PEG3: variants seen among roughly 807,000 people sequenced by gnomAD.
The protein encoded by PEG3 is paternally-expressed gene 3 protein.
Under a neutral mutation model 35.5 loss-of-function variants are expected in PEG3, and 23 were observed. That is an observed-to-expected ratio of 0.65 (90% CI 0.47 to 0.92). PEG3 has a LOEUF of 0.92. PEG3 is among the 40% of genes least tolerant of loss of function. PEG3 has a pLI of 0.00. For missense variants in PEG3, 1,960 were observed against 1,985.3 expected, an observed-to-expected ratio of 0.99 and a Z score of 0.24; for synonymous variants, 707 against 697.0, an observed-to-expected ratio of 1.01 and a Z score of -0.23.
chr19:56,821,086 G>C (rs527757184), intron 7 of PEG3, among the ~76,000 whole-genome samples: 5 of 152,158 alleles, frequency 3.3e-5, no homozygotes, highest in African/African-American at 1.2e-4. Flanking sequence ...AACATTTAAC[G>C]GTGTGCCTAC....
rs540348774 is a variant in PEG3 at position 56,816,202 on chromosome 19, T to C, written c.2240A>G (p.Glu747Gly). ...GTTAGAGCTAATGGTGAACGCCTTT[T>C]CGTCCTCATCACTTTCAAGAGGTCT... ...ITRPLESDED[E>G]KAFTISSNPY... The change falls in exon 10 of 10, where the codon GAA (glutamate) becomes GGA (glycine). Residue 747 changes from glutamate to glycine, a missense_variant. Coordinates refer to ENST00000326441, the MANE Select transcript of PEG3 (RefSeq NM_006210.3). 34 of 1,614,244 alleles carry C rather than the reference T, an allele frequency of 2.1e-5. No homozygotes were observed. The South Asian group carries it at 3.5e-4, about 17-fold the overall frequency.
intron 2 of PEG3, among the ~76,000 whole-genome samples, chr19:56,831,183 T>C (rs889528529): frequency 6.6e-6 from 1 of 152,114 alleles, no homozygotes; most frequent in Non-Finnish European, 1.5e-5. Flanking sequence ...CACACAAAAA[T>C]AAAGTGTTTT....
At chr19:56,825,260 A>C (rs992390992) in intron 3 of PEG3, among the ~76,000 whole-genome samples, 1 of 152,242 alleles carries the variant, frequency 6.6e-6, no homozygotes, top group Non-Finnish European at 1.5e-5. Context: ...CACAGTATAC[A>C]ACATGTAAAA....
intron 5 of PEG3, 78 bp downstream of exon 5, chr19:56,823,515 C>G: frequency 6.3e-7 from 1 of 1,584,080 alleles, no homozygotes; most frequent in Non-Finnish European, 8.7e-7. Context: ...CATGGAGGCC[C>G]CAACCCACTG....
chr19:56,812,101 C>A lies in PEG3; in HGVS notation c.*1574G>T. The A allele has an allele frequency of 1.0e-6, 1 of 976,506 alleles. No homozygotes were observed. Among genetic ancestry groups the A allele is most frequent in the East Asian group, 1.1e-4 (1 of 8,770 alleles). 60.5% of individuals were successfully genotyped at this position (976,506 alleles called of 1,614,324 possible). On this transcript the variant is annotated 3_prime_UTR_variant, in exon 10 of 10. Coordinates refer to ENST00000326441, the MANE Select transcript of PEG3 (RefSeq NM_006210.3). Reference sequence around the variant, plus strand: ...TGCTTGTTCAAATGATCTACACTTACATTTTGCAAATCTTTTTTTTTAAAT... The same window carrying A: ...TGCTTGTTCAAATGATCTACACTTAAATTTTGCAAATCTTTTTTTTTAAAT...
At chr19:56,821,622 T>C in intron 7 of PEG3, 29 bp downstream of exon 7, 1 of 1,610,606 alleles carries the variant, frequency 6.2e-7, no homozygotes, top group Non-Finnish European at 8.5e-7. Context: ...AAGATGGCCT[T>C]TCTAGAAAGA....
At position 56,824,426 on chromosome 19, in the gene PEG3, G is replaced by A. The variant is rs766536993; in HGVS notation, c.230C>T (p.Pro77Leu). 44 of 1,613,964 alleles carry A rather than the reference G, an allele frequency of 2.7e-5. No homozygotes were observed. The highest frequency in any genetic ancestry group is 1.3e-4 in the Admixed American group (8 of 59,996). Residue 77 changes from proline to leucine, a missense_variant, in exon 4 of 10, where the codon CCG (proline) becomes CTG (leucine). Coordinates refer to ENST00000326441, the MANE Select transcript of PEG3 (RefSeq NM_006210.3). ...GATCTCCTCCTTGGTGCGGGTCTCCGGCTGCAACCAATCGAGGCAGAGGTT... is the reference window on the plus strand; with the variant it reads ...GATCTCCTCCTTGGTGCGGGTCTCCAGCTGCAACCAATCGAGGCAGAGGTT... ...LRNLCLDWLQ[P>L]ETRTKEEIIE...
chr19:56,829,915 C>A (rs1409023409), intron 2 of PEG3, among the ~76,000 whole-genome samples: 3 of 152,234 alleles, frequency 2.0e-5, no homozygotes, highest in Non-Finnish European at 4.4e-5. Flanking sequence ...AACAGCCACG[C>A]CTACCACTGA....
At position 56,815,134 on chromosome 19, in the gene PEG3, T is replaced by C. The variant is rs772927560; in HGVS notation, c.3308A>G (p.Asp1103Gly). The C allele has an allele frequency of 1.2e-6, 2 of 1,613,818 alleles. No homozygotes were observed. Among genetic ancestry groups the C allele is most frequent in the Non-Finnish European group, 1.7e-6 (2 of 1,179,926 alleles). Residue 1103 changes from aspartate (D) to glycine (G), a missense_variant, in exon 10 of 10, where the codon GAT (aspartate) becomes GGT (glycine). This residue lies in a region of PEG3 where 798 missense variants were observed against 782.4 expected (regional missense o/e 1.02). Transcript: ENST00000326441. ...GTCCTCACATTCATAGATTTTGTCA[T>C]CAGGGTCATCCTTCTGAGGGTCTTC... ...DMEDPQKDDP[D>G]DKIYECEDCG...
intron 1 of PEG3, among the ~76,000 whole-genome samples, chr19:56,837,995 G>A (rs1042348530): frequency 2.6e-5 from 4 of 152,186 alleles, no homozygotes; most frequent in African/African-American, 9.6e-5. Context: ...AGTCACTCAA[G>A]ACAAAGCAGA....
intron 4 of PEG3, 64 bp downstream of exon 4, chr19:56,824,198 G>A (rs1035126436): frequency 4.5e-6 from 7 of 1,567,906 alleles, no homozygotes; most frequent in African/African-American, 1.4e-5. Context: ...AAGTGTGGAG[G>A]CTGAGAGCCC....
chr19:56,830,033 G>A (rs894393386), intron 2 of PEG3, among the ~76,000 whole-genome samples: 5 of 152,190 alleles, frequency 3.3e-5, no homozygotes, highest in African/African-American at 4.8e-5. Flanking sequence ...TCTGCCTGAG[G>A]ATGGCCTAAA....
chr19:56,822,136 G>C (rs938206644), intron 6 of PEG3, among the ~76,000 whole-genome samples: 5 of 152,168 alleles, frequency 3.3e-5, no homozygotes, highest in African/African-American at 9.7e-5. Flanking sequence ...TCATGGCTCT[G>C]AACAATGCCT....
At position 56,815,801 on chromosome 19, in the gene PEG3, G is replaced by C; in HGVS notation, c.2641C>G (p.Pro881Ala). The C allele has an allele frequency of 6.2e-7, 1 of 1,613,438 alleles. No individual in the cohort carries two copies. Among genetic ancestry groups the C allele is most frequent in the African/African-American group, 1.3e-5 (1 of 74,966 alleles). Residue 881 changes from proline (P) to alanine (A), a missense_variant, in exon 10 of 10, where the codon CCT becomes GCT. Pro to Ala is a conservative substitution (Grantham distance 27). Transcript: ENST00000326441. Reference sequence around the variant, plus strand: ...CGATTCTTACTGCCCCCTTCACAAGGGTTCTCTCTGGCAGGAATCTTCTGT... The same window carrying C: ...CGATTCTTACTGCCCCCTTCACAAGCGTTCTCTCTGGCAGGAATCTTCTGT... ...KRQKIPAREN[P>A]CEGGSKNRNY...
At position 56,817,580 on chromosome 19, in the gene PEG3, C is replaced by A; in HGVS notation, c.863-1G>T. On this transcript the variant is annotated splice_acceptor_variant, in intron 9 of 9. Transcript: ENST00000326441. LOFTEE classifies it high-confidence loss of function. ...TTGGCTTCAGGCATAGTTTTTAGAC[C>A]TGGAAAGAAACCCCAAATGTAAATA... is the stretch of plus-strand genomic sequence containing the variant. 6.3e-7 allele frequency: 1 copy of A among 1,581,702 alleles called. No homozygotes were observed. The highest frequency in any genetic ancestry group is 1.2e-5 in the South Asian group (1 of 85,150).
intron 1 of PEG3, among the ~76,000 whole-genome samples, chr19:56,838,817 G>A (rs1001815977): frequency 2.0e-5 from 3 of 152,168 alleles, no homozygotes; most frequent in Admixed American, 6.5e-5. Flanking sequence ...TTCCATCACC[G>A]CAAGGCAGGC....
In PEG3 at chr19:56,815,465, T is replaced by C. The variant is rs1228967985; in HGVS notation, c.2977A>G (p.Arg993Gly). 6.2e-7 allele frequency: 1 copy of C among 1,614,102 alleles called. No individual in the cohort carries two copies. The highest frequency in any genetic ancestry group is 8.5e-7 in the Non-Finnish European group (1 of 1,179,970). Residue 993 changes from arginine to glycine, a missense_variant, in exon 10 of 10, where the codon AGG becomes GGG. Transcript: ENST00000326441. Reference sequence around the variant, plus strand: ...TTTCTGCTTCCAGAGGGCTTCTCCCTATCATGAATCTTCTGGTGCTCAGTG... The same window carrying C: ...TTTCTGCTTCCAGAGGGCTTCTCCCCATCATGAATCTTCTGGTGCTCAGTG... ...DLTEHQKIHDREKPSGSRNYE... is the reference protein window; with the variant it reads ...DLTEHQKIHDGEKPSGSRNYE...
intron 1 of PEG3, among the ~76,000 whole-genome samples, chr19:56,838,038 A>G (rs2062390794): frequency 6.6e-6 from 1 of 152,198 alleles, no homozygotes; most frequent in African/African-American, 2.4e-5. Context: ...CAGCCAGCCC[A>G]GCTGTCATTC....
Position 56,824,266 on chromosome 19 carries a change from T to C in PEG3, c.390A>G (p.Pro130=), listed in dbSNP as rs764482053. The change falls in exon 4 of 10, where the codon CCA becomes CCG. Residue 130 remains proline, a synonymous_variant. Coordinates refer to ENST00000326441, the MANE Select transcript of PEG3 (RefSeq NM_006210.3). The part of the protein sequence containing the change: ...LLENYKEMYQ[P]EDDNNSDVTS... Reference sequence around the variant, plus strand: ...ACACCCCGTGGAGACTCTCACCTTCTGGTTGGTACATCTCCTTGTAATTCT... The same window carrying C: ...ACACCCCGTGGAGACTCTCACCTTCCGGTTGGTACATCTCCTTGTAATTCT... 5 of 1,613,344 alleles carry C rather than the reference T, an allele frequency of 3.1e-6. No individual in the cohort carries two copies. The Admixed American group carries it at 6.7e-5, about 22-fold the overall frequency.
Sources: allele counts gnomAD v4.1 joint callset (sites outside exome capture counted in the v4.1 genomes callset), GRCh38; gene constraint gnomAD v4.1.1; regional missense constraint gnomAD v4.1.1; transcripts MANE v1.5; gene names NCBI Gene and HGNC (gene_info 2026-07-23, HGNC 2026-07-21).